Variants in SPG11 observed in about 807,000 individuals in gnomAD.
The protein encoded by SPG11 is spatacsin.
Under a neutral mutation model 274.0 loss-of-function variants are expected in SPG11, and 222 were observed. The ratio of observed to expected loss-of-function variants is 0.81; its 90% CI spans 0.73 to 0.91. SPG11 has a LOEUF of 0.91. Ranked by LOEUF, SPG11 falls within the 40% of genes least tolerant of loss-of-function variation. The probability of loss-of-function intolerance (pLI) is 0.00; values close to 1 mark genes in which losing one functional copy is unlikely to be tolerated. For missense variants in SPG11, 3,114 were observed against 2,872.7 expected, an observed-to-expected ratio of 1.08 and a Z score of -1.92; for synonymous variants, 1,144 against 1,039.7, an observed-to-expected ratio of 1.10 and a Z score of -1.93.
chr15:44,646,486 A>G (rs997369188), intron 7 of SPG11, among the ~76,000 whole-genome samples: 3 of 152,148 alleles, frequency 2.0e-5, no homozygotes, highest in Non-Finnish European at 2.9e-5. Flanking sequence ...CTATCAGGAG[A>G]ACAGCACTGG....
intron 6 of SPG11, among the ~76,000 whole-genome samples, chr15:44,650,638 A>AT (rs1323646792): frequency 2.0e-5 from 3 of 151,406 alleles, no homozygotes; most frequent in Non-Finnish European, 4.4e-5. Flanking sequence ...AAAAAAAAAA[A>AT]GTAAATTAAA....
rs956922949 is a variant in SPG11, at chr15:44,613,429, C to A, written c.3145+1G>T. The A allele has an allele frequency of 1.3e-6, 2 of 1,595,242 alleles. No individual in the cohort carries two copies. Among genetic ancestry groups the A allele is most frequent in the Non-Finnish European group, 8.6e-7 (1 of 1,162,896 alleles). The stretch of plus-strand genomic sequence containing the variant: ...CTGTGTTTAATACAGTATACCCATA[C>A]CTGTTAAGTTACTGGCAACTTGTCG... On this transcript the variant is annotated splice_donor_variant, in intron 17 of 39. Transcript: ENST00000261866. LOFTEE classifies it high-confidence loss of function.
In SPG11 at chr15:44,621,838, A is replaced by T. The variant is rs1329473950; in HGVS notation, c.2541T>A (p.His847Gln). ...DCKDEFNKQD[H>Q]RIVLNWALWW... is the part of the protein sequence containing the mutation. ...ACAGAGCCCAATTTAACACAATTCT[A>T]TGGTCCTGTTTGTTAAATTCATCTT... Residue 847 changes from histidine (H) to glutamine (Q), a missense_variant, in exon 14 of 40, where the codon CAT (histidine) becomes CAA (glutamine). Coordinates refer to ENST00000261866, the MANE Select transcript of SPG11 (RefSeq NM_025137.4). 6.2e-7 allele frequency: 1 copy of T among 1,613,870 alleles called. No individual in the cohort carries two copies. The highest frequency in any genetic ancestry group is 8.5e-7 in the Non-Finnish European group (1 of 1,179,820).
In SPG11 at chr15:44,563,030, A is replaced by C; in HGVS notation, c.*91T>G. 3 of 1,355,210 alleles carry C rather than the reference A, an allele frequency of 2.2e-6. No homozygotes were observed. Among genetic ancestry groups the C allele is most frequent in the East Asian group, 2.3e-5 (1 of 42,872 alleles). 83.9% of individuals were successfully genotyped at this position (1,355,210 alleles called of 1,614,324 possible). A position where few individuals can be genotyped will look rare whatever the true frequency, so the allele number is the denominator to read the frequency against. ...TATGGTACAGTACCGGGATTGTTCA[A>C]CTTTAGCAAAGATCTCCAATGCATT... On this transcript the variant is annotated 3_prime_UTR_variant, in exon 40 of 40. Transcript: ENST00000261866.
At chr15:44,647,255 T>C (rs1283671839) in intron 7 of SPG11, among the ~76,000 whole-genome samples, 1 of 152,224 alleles carries the variant, frequency 6.6e-6, no homozygotes, top group Non-Finnish European at 1.5e-5. Flanking sequence ...CTGACTAGGA[T>C]GGCTGCAATA....
At chr15:44,654,843 GA>G (rs560804597) in intron 4 of SPG11, among the ~76,000 whole-genome samples, 4,468 of 139,530 alleles carry the variant, frequency 0.032, 197 homozygotes, top group African/African-American at 0.11. Flanking sequence ...TCTCAAAAAA[GA>G]AAAAAAAAAA....
At position 44,663,564 on chromosome 15, in the gene SPG11, C is replaced by A. The variant is rs201316593; in HGVS notation, c.84G>T (p.Met28Ile). The A allele has an allele frequency of 2.3e-5, 36 of 1,597,244 alleles. No individual in the cohort carries two copies. Among genetic ancestry groups the A allele is most frequent in the Non-Finnish European group, 2.9e-5 (34 of 1,173,726 alleles). ...CCTCGGCGGGGACTGGCACCAACAG[C>A]ATCGGTAGAACCCGCCCCATGGCCG... ...GTAAMGRVLP[M>I]LLVPVPAEAM... Residue 28 changes from methionine (M) to isoleucine (I), a missense_variant, in exon 1 of 40, where the codon ATG becomes ATT. Coordinates refer to ENST00000261866, the MANE Select transcript of SPG11 (RefSeq NM_025137.4).
At position 44,606,016 on chromosome 15, in the gene SPG11, A is replaced by G; in HGVS notation, c.3520+9T>C. ...AAACATGTCTCAAGAAGTACCCATG[A>G]TGACTTACCTCCTATAGCTAGTGTG... is the stretch of plus-strand genomic sequence containing the variant. On this transcript the variant is annotated intron_variant, in intron 20 of 39. Transcript: ENST00000261866. 1 of 1,612,302 alleles carries G rather than the reference A, an allele frequency of 6.2e-7. No individual in the cohort carries two copies.
At chr15:44,603,768 C>T (rs529023554) in intron 20 of SPG11, among the ~76,000 whole-genome samples, 1 of 152,304 alleles carries the variant, frequency 6.6e-6, no homozygotes, top group East Asian at 1.9e-4. Context: ...TTTCCCCATA[C>T]ACTTTAGATT....
chr15:44,565,111 G>A lies in SPG11; in HGVS notation c.7000-413C>T, dbSNP rs1180319026. On this transcript the variant is annotated intron_variant, in intron 38 of 39. Coordinates refer to ENST00000261866, the MANE Select transcript of SPG11 (RefSeq NM_025137.4). ...TATATTATTCCCATTAGCAGTATGA[G>A]GAACAGTGAAAGGGCTGATTCCCTG... 4.6e-5 allele frequency among the ~76,000 whole-genome samples: 7 copies of A among 152,292 alleles called. No homozygotes were observed. In the South Asian group the frequency reaches 1.4e-3, roughly 32 times the overall value.
chr15:44,646,797 G>A (rs535497267), intron 7 of SPG11, among the ~76,000 whole-genome samples: 1 of 152,102 alleles, frequency 6.6e-6, no homozygotes, highest in Non-Finnish European at 1.5e-5. Flanking sequence ...ACAAAAAGAA[G>A]AGAACAACAG....
At position 44,567,522 on chromosome 15, in the gene SPG11, T is replaced by C. The variant is rs771149453; in HGVS notation, c.6656A>G (p.Asn2219Ser). ...CATGCTGAAGCACAGGGCAATCATA[T>C]TGTGCTTTTCACTGTCTCCAGGACG... ...RCRPGDSEKHNMIALCFSMCR... is the reference protein window; with the variant it reads ...RCRPGDSEKHSMIALCFSMCR... The change falls in exon 36 of 40, where the codon AAT becomes AGT. Residue 2219 changes from asparagine (N) to serine (S), a missense_variant. Physicochemically the swap from Asn to Ser is conservative, Grantham distance 46. Transcript: ENST00000261866. 1.2e-5 allele frequency: 19 copies of C among 1,613,906 alleles called. No homozygotes were observed. The highest frequency in any genetic ancestry group is 2.7e-5 in the African/African-American group (2 of 74,882).
intron 7 of SPG11, among the ~76,000 whole-genome samples, chr15:44,640,721 A>C (rs2141077011): frequency 6.6e-6 from 1 of 152,230 alleles, no homozygotes; most frequent in East Asian, 1.9e-4. Flanking sequence ...CAGCAGTAAA[A>C]GACAGGACTT....
At chr15:44,657,380 T>C (rs560645956) in intron 3 of SPG11, 84 bp from the exon 4 acceptor site, 3 of 1,259,858 alleles carry the variant, frequency 2.4e-6, no homozygotes, top group Non-Finnish European at 3.4e-6. Flanking sequence ...AGCTATAGAC[T>C]TTATCACTCC....
intron 14 of SPG11, 64 bp from the exon 15 acceptor site, chr15:44,620,467 C>A (rs2083712649): frequency 9.2e-7 from 1 of 1,088,190 alleles, no homozygotes; most frequent in South Asian, 1.4e-5. Context: ...TAACTCAACA[C>A]TAAATTACTG....
intron 7 of SPG11, among the ~76,000 whole-genome samples, chr15:44,647,145 A>AT (rs1202504576): frequency 5.3e-5 from 8 of 152,246 alleles, no homozygotes; most frequent in African/African-American, 1.9e-4. Flanking sequence ...GACGACACAC[A>AT]AATAGCCAAT....
intron 10 of SPG11, 117 bp from the exon 11 acceptor site, chr15:44,626,624 T>G: frequency 5.6e-6 from 6 of 1,065,580 alleles, no homozygotes; most frequent in South Asian, 1.4e-5. Flanking sequence ...TTAAAATCTA[T>G]TACTAGATTT....
At chr15:44,628,557 G>T in intron 10 of SPG11, 112 bp downstream of exon 10, 1 of 1,043,156 alleles carries the variant, frequency 9.6e-7, no homozygotes, top group Non-Finnish European at 1.5e-6. Context: ...TAAAACCTTT[G>T]CCAAACATTC....
intron 18 of SPG11, among the ~76,000 whole-genome samples, chr15:44,610,392 C>CT (rs372939206): frequency 5.3e-5 from 8 of 151,238 alleles, no homozygotes; most frequent in African/African-American, 1.7e-4. Context: ...AATTTCTTTT[C>CT]TTTTTTTTGA....
Sources: gnomAD v4.1 joint callset for allele counts (sites outside exome capture counted in the v4.1 genomes callset) on GRCh38, gnomAD v4.1.1 for gene constraint, MANE v1.5 for transcripts, NCBI Gene and HGNC (gene_info 2026-07-23, HGNC 2026-07-21) for gene names.